The following GRP variants were observed in gnomAD, a reference collection of about 807,000 sequenced individuals.
The protein encoded by GRP is gastrin-releasing peptide.
A neutral mutation model predicts 12.7 loss-of-function variants in GRP; 11 were observed. The ratio of observed to expected loss-of-function variants is 0.87; its 90% CI spans 0.55 to 1.44. GRP has a LOEUF of 1.44. Ranked by LOEUF, GRP falls within the 40% of genes most tolerant of loss-of-function variation. GRP has a pLI of 0.00. For missense variants in GRP, 212 were observed against 185.4 expected (o/e 1.14, Z -0.83); for synonymous variants, 84 against 77.7 (o/e 1.08, Z -0.43).
intron 2 of GRP, among the ~76,000 whole-genome samples, chr18:59,229,539 C>A (rs547544092): frequency 1.6e-3 from 250 of 152,190 alleles, no homozygotes; most frequent in African/African-American, 5.4e-3. Context: ...GGCTCATTAG[C>A]CCATGGTCAA....
chr18:59,219,542 G>GGGAGGGGAGAGGAGGGGAGA (rs1316017992), upstream of GRP, among the ~76,000 whole-genome samples: 1 of 9,900 alleles, frequency 1.0e-4, no homozygotes, highest in Non-Finnish European at 1.9e-4. Context: ...AGGAGGGGAA[G>GGGAGGGGAGAGGAGGGGAGA]GGAGGGGAGA....
chr18:59,227,575 C>T (rs540859219), intron 2 of GRP, among the ~76,000 whole-genome samples: 1 of 152,252 alleles, frequency 6.6e-6, no homozygotes, highest in East Asian at 1.9e-4. Context: ...AAATTGCCAC[C>T]ACAAAACCCT....
At position 59,225,499 on chromosome 18, in the gene GRP, A is replaced by C. The variant is rs2069901916; in HGVS notation, c.147A>C (p.Leu49Phe). Residue 49 changes from leucine (L) to phenylalanine (F), a missense_variant, in exon 2 of 3, where the codon TTA becomes TTC. Coordinates refer to ENST00000256857, the MANE Select transcript of GRP (RefSeq NM_002091.5). The stretch of plus-strand genomic sequence containing the variant: ...TTGTTTTTGTTTTTACAGGGCACTT[A>C]ATGGGGAAAAAGAGCACAGGGGAGT... ...PRGNHWAVGH[L>F]MGKKSTGESS... 6.2e-7 allele frequency: 1 copy of C among 1,611,812 alleles called. No homozygotes were observed. The highest frequency in any genetic ancestry group is 1.1e-5 in the South Asian group (1 of 90,578).
chr18:59,230,409 A>G lies in GRP; in HGVS notation c.388A>G (p.Arg130Gly). 6.4e-7 allele frequency: 1 copy of G among 1,566,584 alleles called. No homozygotes were observed. Among genetic ancestry groups the G allele is most frequent in the Non-Finnish European group, 8.8e-7 (1 of 1,136,608 alleles). ...KDVGSKGKVGRLSAPGSQREG... is the reference protein window; with the variant it reads ...KDVGSKGKVGGLSAPGSQREG... Reference sequence around the variant, plus strand: ...TCTTTCTAATATTTCTTAAGTTGGTAGACTCTCTGCTCCAGGTTCTCAACG... The same window carrying G: ...TCTTTCTAATATTTCTTAAGTTGGTGGACTCTCTGCTCCAGGTTCTCAACG... Residue 130 changes from arginine to glycine, a missense_variant, in exon 3 of 3, where the codon AGA becomes GGA. Transcript: ENST00000256857.
intron 2 of GRP, among the ~76,000 whole-genome samples, chr18:59,227,744 C>T (rs892179786): frequency 2.0e-5 from 3 of 152,216 alleles, no homozygotes; most frequent in African/African-American, 4.8e-5. Flanking sequence ...CTCAACCTGG[C>T]TCTGCATATC....
chr18:59,220,127 CATATAAA>C, upstream of GRP: 4 of 454,374 alleles, frequency 8.8e-6, no homozygotes, highest in African/African-American at 4.1e-5. Context: ...CCCGGGCTTC[CATATAAA>C]GTAGGGGCCC....
chr18:59,224,914 T>G (rs2069891332), intron 1 of GRP, among the ~76,000 whole-genome samples: 1 of 152,212 alleles, frequency 6.6e-6, no homozygotes, highest in South Asian at 2.1e-4. Flanking sequence ...CAGTTCAGTC[T>G]CAACTAAAAC....
chr18:59,227,025 C>A (rs565414366), intron 2 of GRP, among the ~76,000 whole-genome samples: 1 of 135,500 alleles, frequency 7.4e-6, no homozygotes, highest in Non-Finnish European at 1.6e-5. Flanking sequence ...TTCTTTCTTT[C>A]TTTCTTTCTT....
At chr18:59,222,611 G>A (rs2069852756) in intron 1 of GRP, among the ~76,000 whole-genome samples, 1 of 152,170 alleles carries the variant, frequency 6.6e-6, no homozygotes, top group Non-Finnish European at 1.5e-5. Context: ...TTAGCTTTCA[G>A]TTATCTCAAG....
Position 59,220,416 on chromosome 18 carries a change from G to A in GRP, c.139+12G>A. 7 of 1,348,364 alleles carry A rather than the reference G, an allele frequency of 5.2e-6. No homozygotes were observed. Among genetic ancestry groups the A allele is most frequent in the Non-Finnish European group, 6.7e-6 (7 of 1,047,618 alleles). The allele number at this position is 1,348,364 out of a possible 1,614,324, so 83.5% of individuals were successfully genotyped here. ...CCACTGGGCGGTGGGTGAGTGTCCTGGCCGCGGGAGCCGCGCGCTTGTCCT... is the reference window on the plus strand; with the variant it reads ...CCACTGGGCGGTGGGTGAGTGTCCTAGCCGCGGGAGCCGCGCGCTTGTCCT... On this transcript the variant is annotated intron_variant, in intron 1 of 2. Transcript: ENST00000256857.
intron 2 of GRP, among the ~76,000 whole-genome samples, chr18:59,226,152 C>T (rs1357672414): frequency 6.6e-6 from 1 of 152,126 alleles, no homozygotes; most frequent in African/African-American, 2.4e-5. Context: ...TTGTTTGCTA[C>T]CTTTGACACA....
At chr18:59,224,595 A>G (rs1445675220) in intron 1 of GRP, among the ~76,000 whole-genome samples, 2 of 152,226 alleles carry the variant, frequency 1.3e-5, no homozygotes, top group East Asian at 1.9e-4. Flanking sequence ...AATAGAGAAC[A>G]TGAGAATATT....
intron 2 of GRP, among the ~76,000 whole-genome samples, chr18:59,226,189 A>G (rs1174152594): frequency 6.6e-6 from 1 of 152,214 alleles, no homozygotes; most frequent in Non-Finnish European, 1.5e-5. Flanking sequence ...TATTTGTTCC[A>G]GGAGTACCTA....
intron 2 of GRP, among the ~76,000 whole-genome samples, chr18:59,229,681 G>A (rs926578588): frequency 5.3e-5 from 8 of 152,194 alleles, no homozygotes; most frequent in Admixed American, 1.3e-4. Flanking sequence ...TAAGCTCTTA[G>A]TCTCAACAAA....
Position 59,220,422 on chromosome 18 carries a change from G to T in GRP, c.139+18G>T. 1 of 1,343,998 alleles carries T rather than the reference G, an allele frequency of 7.4e-7. No individual in the cohort carries two copies. The highest frequency in any genetic ancestry group is 3.6e-5 in the Admixed American group (1 of 27,446). The allele number at this position is 1,343,998 out of a possible 1,614,324, so 83.3% of individuals were successfully genotyped here. ...GGCGGTGGGTGAGTGTCCTGGCCGC[G>T]GGAGCCGCGCGCTTGTCCTCCTCTG... On this transcript the variant is annotated intron_variant, in intron 1 of 2. Coordinates refer to ENST00000256857, the MANE Select transcript of GRP (RefSeq NM_002091.5).
intron 2 of GRP, among the ~76,000 whole-genome samples, chr18:59,227,917 G>A (rs1463107499): frequency 6.6e-6 from 1 of 152,156 alleles, no homozygotes; most frequent in Non-Finnish European, 1.5e-5. Flanking sequence ...GGCAGCTGCC[G>A]AGAGTGACTG....
intron 2 of GRP, among the ~76,000 whole-genome samples, chr18:59,230,088 G>C (rs1479879853): frequency 6.6e-6 from 1 of 152,120 alleles, no homozygotes; most frequent in African/African-American, 2.4e-5. Flanking sequence ...ATCATATCAG[G>C]ATGCATGTTA....
rs1053290376 is a variant in GRP, at chr18:59,230,432, A to G, written c.411A>G (p.Gln137=). The G allele has an allele frequency of 3.1e-6, 5 of 1,601,512 alleles. No homozygotes were observed. The Admixed American group carries it at 5.0e-5, about 16-fold the overall frequency. Residue 137 remains glutamine (Q), a synonymous_variant, in exon 3 of 3, where the codon CAA becomes CAG. Transcript: ENST00000256857. ...KVGRLSAPGS[Q]REGRNPQLNQ... is the part of the protein sequence containing the mutation. ...GTAGACTCTCTGCTCCAGGTTCTCAACGTGAAGGAAGGAACCCCCAGCTGA... is the reference window on the plus strand; with the variant it reads ...GTAGACTCTCTGCTCCAGGTTCTCAGCGTGAAGGAAGGAACCCCCAGCTGA...
intron 2 of GRP, among the ~76,000 whole-genome samples, chr18:59,228,723 C>T (rs935135982): frequency 2.6e-5 from 4 of 152,184 alleles, no homozygotes; most frequent in South Asian, 4.1e-4. Context: ...ATTAATGGAA[C>T]TTTTCCCCCA....
Sources: allele counts gnomAD v4.1 joint callset (sites outside exome capture counted in the v4.1 genomes callset), GRCh38; gene constraint gnomAD v4.1.1; transcripts MANE v1.5; gene names NCBI Gene and HGNC (gene_info 2026-07-23, HGNC 2026-07-21).